The following BANP variants were observed in gnomAD, a reference collection of about 807,000 sequenced individuals.
The protein encoded by BANP is protein BANP.
A neutral mutation model predicts 68.1 loss-of-function variants in BANP; 11 were observed. The observed-to-expected ratio is 0.16, with a 90% confidence interval of 0.10 to 0.27. BANP has a LOEUF of 0.27. Ranked by LOEUF, BANP falls within the 10% of genes least tolerant of loss-of-function variation. The pLI is 1.00. For missense variants in BANP, 504 were observed against 722.7 expected (o/e 0.70, Z 3.47); for synonymous variants, 329 against 303.2 (o/e 1.09, Z -0.88).
At chr16:88,028,891 A>G (rs1259584142) in intron 8 of BANP, among the ~76,000 whole-genome samples, 2 of 152,318 alleles carry the variant, frequency 1.3e-5, no homozygotes, top group South Asian at 2.1e-4. Flanking sequence ...ATGTGTGATC[A>G]TTTTTACAGT....
rs780892785 is a variant in BANP, at chr16:88,033,185, G to T, written c.1140G>T (p.Ala380=). 1.9e-6 allele frequency: 3 copies of T among 1,611,066 alleles called. No individual in the cohort carries two copies. Among genetic ancestry groups the T allele is most frequent in the Non-Finnish European group, 1.7e-6 (2 of 1,177,758 alleles). ...PQPQPQALHY[A]LANAQQVQIH... is the part of the protein sequence containing the mutation. ...CGCAGCCGCAGGCCCTGCACTACGC[G>T]CTGGCCAACGCACAGCAGGTGCAGA... Residue 380 remains alanine, a synonymous_variant, in exon 9 of 14, where the codon GCG becomes GCT. Transcript: ENST00000682872.
intron 11 of BANP, among the ~76,000 whole-genome samples, chr16:88,059,490 A>C (rs2086105293): frequency 6.6e-6 from 1 of 152,026 alleles, no homozygotes; most frequent in South Asian, 2.1e-4. Flanking sequence ...AATTAAGCCC[A>C]AGTTCACAGG....
intron 11 of BANP, among the ~76,000 whole-genome samples, chr16:88,052,910 TCAC>T (rs919087951): frequency 1.3e-5 from 2 of 149,902 alleles, no homozygotes; most frequent in African/African-American, 4.9e-5. Flanking sequence ...TCCATCATCA[TCAC>T]CAACACAACC....
chr16:87,967,111 C>T (rs1413180715), intron 1 of BANP, among the ~76,000 whole-genome samples: 1 of 152,200 alleles, frequency 6.6e-6, no homozygotes, highest in Non-Finnish European at 1.5e-5. Context: ...GTCTGATGCC[C>T]CGCACCCACA....
At chr16:88,013,952 T>C (rs1169476155) in intron 6 of BANP, among the ~76,000 whole-genome samples, 1 of 152,164 alleles carries the variant, frequency 6.6e-6, no homozygotes, top group Non-Finnish European at 1.5e-5. Context: ...ACTCATAATG[T>C]GGCTGTGCTG....
intron 11 of BANP, among the ~76,000 whole-genome samples, chr16:88,049,535 G>T (rs950095928): frequency 6.6e-6 from 1 of 152,132 alleles, no homozygotes; most frequent in African/African-American, 2.4e-5. Context: ...TCATGGGAGG[G>T]TCTTAAGACC....
chr16:88,045,180 G>A (rs1685173202), intron 11 of BANP, among the ~76,000 whole-genome samples: 1 of 152,210 alleles, frequency 6.6e-6, no homozygotes, highest in African/African-American at 2.4e-5. Flanking sequence ...ATCTAGATCA[G>A]GAAAATTAGG....
intron 11 of BANP, among the ~76,000 whole-genome samples, chr16:88,042,541 C>G (rs2081082666): frequency 6.6e-6 from 1 of 152,252 alleles, no homozygotes; most frequent in African/African-American, 2.4e-5. Context: ...TGTCGTGCCC[C>G]ACTGTTCCAG....
rs539622110 is a variant in BANP, at chr16:88,071,130, G to A, written c.1378-939G>A. The A allele has an allele frequency of 1.8e-5, 5 of 283,114 alleles. No individual in the cohort carries two copies. The highest frequency in any genetic ancestry group is 3.3e-5 in the South Asian group (1 of 29,960). 17.5% of individuals were successfully genotyped at this position (283,114 alleles called of 1,614,324 possible). ...GGCTCCGTGGGGTGGGGCACCCTGC[G>A]ACGGGCTGCTCCTCTTCCCAGGGCC... On this transcript the variant is annotated intron_variant, in intron 12 of 13. Coordinates refer to ENST00000682872, the MANE Select transcript of BANP (RefSeq NM_001386991.1). The surrounding 1 kb of genome is among the most constrained non-coding windows in gnomAD (Gnocchi z 6.5).
rs147786837 is a variant in BANP, at chr16:88,035,103, G to A, written c.1201-220G>A. Reference sequence around the variant, plus strand: ...AGTTTCTGGCGTCCACGTGGTGGGGGTAGGGGGTGCTTCTTGAAACCCTCA... The same window carrying A: ...AGTTTCTGGCGTCCACGTGGTGGGGATAGGGGGTGCTTCTTGAAACCCTCA... On this transcript the variant is annotated intron_variant, in intron 9 of 13. Coordinates refer to ENST00000682872, the MANE Select transcript of BANP (RefSeq NM_001386991.1). 2.4e-3 allele frequency: 1,312 copies of A among 555,292 alleles called. 15 individuals are homozygous for A. Among genetic ancestry groups the A allele is most frequent in the African/African-American group, 0.022 (1,138 of 52,522 alleles). The allele number at this position is 555,292 out of a possible 1,614,324, so 34.4% of individuals were successfully genotyped here.
At chr16:88,062,571 C>T (rs1204903134) in intron 11 of BANP, among the ~76,000 whole-genome samples, 2 of 152,186 alleles carry the variant, frequency 1.3e-5, no homozygotes, top group Non-Finnish European at 2.9e-5. Context: ...CAACCACTGT[C>T]CCCAACCAAG....
In BANP at chr16:88,006,597, G is replaced by T. The variant is rs1436876870; in HGVS notation, c.655+332G>T. 8.7e-5 allele frequency among the ~76,000 whole-genome samples: 13 copies of T among 149,298 alleles called. No individual in the cohort carries two copies. In the Admixed American group the frequency reaches 8.8e-4, roughly 10 times the overall value. On this transcript the variant is annotated intron_variant, in intron 6 of 13. Coordinates refer to ENST00000682872, the MANE Select transcript of BANP (RefSeq NM_001386991.1). ...GGAGGTGGAGGTTGCGGTGAACCGA[G>T]ATCATGCCATTGCATCCAGCCTGGG...
At chr16:88,032,471 G>A (rs1176748287) in intron 8 of BANP, among the ~76,000 whole-genome samples, 3 of 152,160 alleles carry the variant, frequency 2.0e-5, no homozygotes, top group Non-Finnish European at 4.4e-5. Flanking sequence ...CAGAGTGCTG[G>A]GATTACAGGT....
At chr16:87,950,918 G>A, upstream of BANP, 1 of 152,498 alleles carries the variant, frequency 6.6e-6, no homozygotes, top group Non-Finnish European at 1.5e-5. Context: ...AGGACCCGCC[G>A]CAGCAGCAGG....
chr16:88,075,882 G>A (rs1227137871), intron 13 of BANP, among the ~76,000 whole-genome samples: 3 of 151,458 alleles, frequency 2.0e-5, no homozygotes, highest in African/African-American at 7.3e-5. Context: ...TAGCAGCTGG[G>A]ACTACAGGTG....
At chr16:88,030,372 A>G (rs1022835442) in intron 8 of BANP, among the ~76,000 whole-genome samples, 4 of 152,234 alleles carry the variant, frequency 2.6e-5, no homozygotes, top group African/African-American at 9.6e-5. Context: ...AAGACATAAA[A>G]AAGAACCGTA....
At chr16:87,950,550 T>G (rs2056711531), upstream of BANP, 1 of 152,022 alleles carries the variant, frequency 6.6e-6, no homozygotes, top group African/African-American at 2.4e-5. Flanking sequence ...TTCTCCTGCC[T>G]CAGCCTCCCG....
chr16:88,071,123 A>G lies in BANP; in HGVS notation c.1378-946A>G, dbSNP rs1599130728. On this transcript the variant is annotated intron_variant, in intron 12 of 13. Transcript: ENST00000682872. This position sits in a 1 kb window ranked among gnomAD's most constrained non-coding sequence, Gnocchi z 6.5. Reference sequence around the variant, plus strand: ...GCGGCCAGGCTCCGTGGGGTGGGGCACCCTGCGACGGGCTGCTCCTCTTCC... The same window carrying G: ...GCGGCCAGGCTCCGTGGGGTGGGGCGCCCTGCGACGGGCTGCTCCTCTTCC... 3.6e-6 allele frequency: 1 copy of G among 279,256 alleles called. No individual in the cohort carries two copies. Among genetic ancestry groups the G allele is most frequent in the African/African-American group, 2.3e-5 (1 of 44,286 alleles). 17.3% of individuals were successfully genotyped at this position (279,256 alleles called of 1,614,324 possible).
intron 11 of BANP, among the ~76,000 whole-genome samples, chr16:88,062,524 G>C (rs1284628109): frequency 6.6e-6 from 1 of 152,168 alleles, no homozygotes; most frequent in Admixed American, 6.5e-5. Flanking sequence ...CCTCTGAATG[G>C]AGCTGGGAAA....
Sources: gnomAD v4.1 joint callset for allele counts (sites outside exome capture counted in the v4.1 genomes callset) on GRCh38, gnomAD v4.1.1 for gene constraint, Gnocchi (gnomAD v3.1) non-coding constraint, MANE v1.5 for transcripts, NCBI Gene and HGNC (gene_info 2026-07-23, HGNC 2026-07-21) for gene names.